Variants in RBFOX1 observed in about 807,000 individuals in gnomAD.
RBFOX1 encodes the protein RNA binding fox-1 homolog 1, also known as RNA binding protein fox-1 homolog 1.
RBFOX1 carries 8 observed loss-of-function variants against 57.7 expected under a neutral mutation model. That is an observed-to-expected ratio of 0.14 (90% CI 0.08 to 0.25). The LOEUF (loss-of-function observed/expected upper bound fraction) is 0.25, where lower values mean the gene tolerates loss of function less well. Ranked by LOEUF, RBFOX1 falls within the 10% of genes least tolerant of loss-of-function variation. The pLI is 1.00. For synonymous variants in RBFOX1, 326 were observed against 222.4 expected (o/e 1.47, Z -4.15); for missense variants, 611 against 548.5 (o/e 1.11, Z -1.14).
chr16:6,483,878 G>C lies in RBFOX1; in HGVS notation c.-64+166821G>C, dbSNP rs1013597960. 5 of 1,178,356 alleles carry C rather than the reference G, an allele frequency of 4.2e-6. No homozygotes were observed. In the African/African-American group the frequency reaches 7.9e-5, roughly 19 times the overall value. The allele number at this position is 1,178,356 out of a possible 1,614,324, so 73.0% of individuals were successfully genotyped here. A position where few individuals can be genotyped will look rare whatever the true frequency, so the allele number is the denominator to read the frequency against. ...CGGGAAACCCAAACCGGAGATGGAA[G>C]GATGAGGCTGCGTTTGCAGCGCGTG... On this transcript the variant is annotated intron_variant, in intron 2 of 15. Transcript: ENST00000550418.
Position 5,926,045 on chromosome 16 carries a change from G to T in RBFOX1, c.351+58710G>T, listed in dbSNP as rs201247553. ...CGAGGGTTCCCTTGCTCACTTGGGT[G>T]ATGTTCTGACTGTTAGCTGGGAGTT... On this transcript the variant is annotated intron_variant, in intron 4 of 19. Coordinates refer to the RBFOX1 transcript ENST00000641259. Among the ~76,000 whole-genome samples, 84 of 152,324 alleles carry T rather than the reference G, an allele frequency of 5.5e-4. 3 individuals are homozygous for T. In the East Asian group the frequency reaches 0.015, roughly 27 times the overall value.
At chr16:5,931,662 A>G (rs1303986470) in intron 4 of RBFOX1, among the ~76,000 whole-genome samples, 4 of 152,012 alleles carry the variant, frequency 2.6e-5, no homozygotes, top group Non-Finnish European at 5.9e-5. Flanking sequence ...GCTGAAGGAG[A>G]CTCAAGTTTT....
intron 1 of RBFOX1, among the ~76,000 whole-genome samples, chr16:5,389,747 G>T (rs778925308): frequency 7.2e-5 from 11 of 151,742 alleles, no homozygotes; most frequent in Non-Finnish European, 1.3e-4. Context: ...GCCCAGGCTG[G>T]AGTGCAGTGG....
At chr16:7,059,543 T>C (rs1035961964) in intron 4 of RBFOX1, among the ~76,000 whole-genome samples, 2 of 152,112 alleles carry the variant, frequency 1.3e-5, no homozygotes, top group African/African-American at 2.4e-5. Flanking sequence ...TTGACAACCA[T>C]TGGCAAAAAA....
At chr16:7,274,845 T>C (rs2095409869) in intron 4 of RBFOX1, among the ~76,000 whole-genome samples, 1 of 151,972 alleles carries the variant, frequency 6.6e-6, no homozygotes, top group Non-Finnish European at 1.5e-5. Context: ...CCACCACACC[T>C]GGCTGATTTT....
intron 10 of RBFOX1, among the ~76,000 whole-genome samples, chr16:7,629,503 C>T (rs1170151732): frequency 2.0e-5 from 3 of 152,128 alleles, no homozygotes; most frequent in African/African-American, 7.2e-5. Flanking sequence ...GGCGGTTGAC[C>T]TTCCCCAGTC....
chr16:7,164,398 C>T (rs1167368548), intron 4 of RBFOX1, among the ~76,000 whole-genome samples: 14 of 152,120 alleles, frequency 9.2e-5, no homozygotes, highest in Admixed American at 7.9e-4. Flanking sequence ...CATATTTTTG[C>T]AATTACAAAT....
chr16:6,261,009 T>G (rs1034415886), intron 1 of RBFOX1, among the ~76,000 whole-genome samples: 23 of 152,226 alleles, frequency 1.5e-4, no homozygotes, highest in Admixed American at 1.5e-3. Context: ...GCATATATAT[T>G]AAAATTATGA....
intron 3 of RBFOX1, among the ~76,000 whole-genome samples, chr16:6,701,991 G>GTAC (rs2154142595): frequency 1.3e-5 from 2 of 152,138 alleles, no homozygotes; most frequent in African/African-American, 4.8e-5. Flanking sequence ...TACCTGTTGG[G>GTAC]TACTATGCTT....
At chr16:7,233,015 T>C (rs1567819369) in intron 4 of RBFOX1, among the ~76,000 whole-genome samples, 1 of 152,174 alleles carries the variant, frequency 6.6e-6, no homozygotes, top group African/African-American at 2.4e-5. Context: ...CCTGGACTGC[T>C]AAAATAGGCT....
At chr16:6,312,418 C>A (rs1026399752) in intron 1 of RBFOX1, among the ~76,000 whole-genome samples, 1 of 152,126 alleles carries the variant, frequency 6.6e-6, no homozygotes, top group Non-Finnish European at 1.5e-5. Flanking sequence ...AGAGTGACCC[C>A]ACAGTTACTG....
At chr16:5,996,218 A>G (rs539968439) in intron 4 of RBFOX1, among the ~76,000 whole-genome samples, 203 of 152,228 alleles carry the variant, frequency 1.3e-3, no homozygotes, top group African/African-American at 4.7e-3. Context: ...AACAGTGGTC[A>G]TTTTCCACGA....
chr16:7,180,679 T>A (rs2082519226), intron 4 of RBFOX1, among the ~76,000 whole-genome samples: 1 of 147,850 alleles, frequency 6.8e-6, no homozygotes, highest in Non-Finnish European at 1.5e-5. Flanking sequence ...TCCTCTGCAC[T>A]CCCCTGCTCC....
intron 1 of RBFOX1, among the ~76,000 whole-genome samples, chr16:6,130,280 A>T (rs921370119): frequency 5.3e-5 from 8 of 152,168 alleles, no homozygotes; most frequent in African/African-American, 4.8e-5. Flanking sequence ...TAGGAAATAC[A>T]GTTTTATTAT....
intron 2 of RBFOX1, among the ~76,000 whole-genome samples, chr16:5,593,816 T>C (rs570914027): frequency 1.8e-3 from 268 of 152,356 alleles, no homozygotes; most frequent in South Asian, 4.1e-3. Flanking sequence ...TTTGCTTTAC[T>C]GTGGAGTCGC....
At chr16:5,372,966 C>G (rs995781793) in intron 1 of RBFOX1, among the ~76,000 whole-genome samples, 1 of 152,224 alleles carries the variant, frequency 6.6e-6, no homozygotes, top group Admixed American at 6.5e-5. Context: ...TTTCCAGACA[C>G]AGGCTAGCTT....
intron 4 of RBFOX1, among the ~76,000 whole-genome samples, chr16:5,878,951 C>T (rs760694943): frequency 3.3e-5 from 5 of 152,280 alleles, no homozygotes; most frequent in East Asian, 3.9e-4. Flanking sequence ...AAACATCTGA[C>T]GCGTTTTACA....
chr16:5,560,865 C>T (rs1185270235), intron 2 of RBFOX1, among the ~76,000 whole-genome samples: 1 of 152,200 alleles, frequency 6.6e-6, no homozygotes, highest in Non-Finnish European at 1.5e-5. Context: ...CACTCTGCCT[C>T]TGAAGGCAGC....
intron 3 of RBFOX1, among the ~76,000 whole-genome samples, chr16:7,023,915 A>G (rs1322102372): frequency 5.9e-5 from 9 of 152,304 alleles, no homozygotes; most frequent in South Asian, 4.1e-4. Flanking sequence ...GTTGAAAACA[A>G]GGAAGACTCC....
Sources: allele counts gnomAD v4.1 joint callset (sites outside exome capture counted in the v4.1 genomes callset), GRCh38; gene constraint gnomAD v4.1.1; transcripts MANE v1.5; gene names NCBI Gene and HGNC (gene_info 2026-07-23, HGNC 2026-07-21).